FAM118A: variants seen among roughly 807,000 people sequenced by gnomAD.
FAM118A encodes the protein SIR2 antiphage like 2.
Under a neutral mutation model 38.2 loss-of-function variants are expected in FAM118A, and 25 were observed. The observed-to-expected ratio is 0.65, with a 90% confidence interval of 0.48 to 0.91. The LOEUF is 0.91. Ranked by LOEUF, FAM118A falls within the 40% of genes least tolerant of loss-of-function variation. The pLI is 0.00. For synonymous variants in FAM118A, 178 were observed against 184.1 expected (o/e 0.97, Z 0.27); for missense variants, 425 against 463.3 (o/e 0.92, Z 0.76).
At chr22:45,323,041 CTGTGTGTGTGTGTGTGTGTGTG>C (rs3041118) in intron 2 of FAM118A, 112 bp from the exon 3 acceptor site, 39 of 659,680 alleles carry the variant, frequency 5.9e-5, no homozygotes, top group Non-Finnish European at 8.1e-5. Flanking sequence ...TCAGAGGGGA[CTGTGTGTGTGTGTGTGTGTGTG>C]TGTGTGTGTG....
At chr22:45,334,068 T>TGA in intron 6 of FAM118A, among the ~76,000 whole-genome samples, 1 of 152,162 alleles carries the variant, frequency 6.6e-6, no homozygotes, top group Non-Finnish European at 1.5e-5. Flanking sequence ...CATGAACACT[T>TGA]TACTTCTTTT....
intron 1 of FAM118A, chr22:45,318,457 T>A (rs2084705351): frequency 6.6e-6 from 1 of 152,140 alleles, no homozygotes; most frequent in Non-Finnish European, 1.5e-5. Flanking sequence ...TTAGACGGTG[T>A]TTGGATGGGA....
At chr22:45,338,663 T>C (rs1376712930) in intron 8 of FAM118A, among the ~76,000 whole-genome samples, 2 of 152,250 alleles carry the variant, frequency 1.3e-5, no homozygotes, top group Non-Finnish European at 2.9e-5. Context: ...TTTCATATAA[T>C]AGGAGTTTAT....
Position 45,330,091 on chromosome 22 carries a change from CAT to C in FAM118A, c.523-508_523-507del, listed in dbSNP as rs372956727. 1.7e-4 allele frequency among the ~76,000 whole-genome samples: 26 copies of C among 152,312 alleles called. No individual in the cohort carries two copies. In the East Asian group the frequency reaches 4.8e-3, roughly 28 times the overall value. On this transcript the variant is annotated intron_variant, in intron 4 of 8. Transcript: ENST00000441876. ...AGAAATAGCAGTAATTAAAATATAA[CAT>C]ATAACTTAGAAGTGAAAGTCCCCAT...
At chr22:45,339,885 GCTC>G (rs553106074) in intron 8 of FAM118A, among the ~76,000 whole-genome samples, 87 of 152,126 alleles carry the variant, frequency 5.7e-4, no homozygotes, top group African/African-American at 2.1e-3. Flanking sequence ...TGAGATCTGT[GCTC>G]CTAGACGCCA....
chr22:45,316,736 T>G (rs942899880), intron 1 of FAM118A, among the ~76,000 whole-genome samples: 12 of 152,350 alleles, frequency 7.9e-5, no homozygotes, highest in East Asian at 1.9e-4. Context: ...TTTGTCACAG[T>G]GGCAGTGGTA....
intron 6 of FAM118A, among the ~76,000 whole-genome samples, chr22:45,333,380 T>A (rs1458099373): frequency 6.6e-6 from 1 of 151,570 alleles, no homozygotes; most frequent in African/African-American, 2.4e-5. Flanking sequence ...TTTTTAAAAA[T>A]TAGCTGGGTT....
At chr22:45,336,246 T>G in intron 7 of FAM118A, 82 bp from the exon 8 acceptor site, 1 of 1,109,522 alleles carries the variant, frequency 9.0e-7, no homozygotes, top group South Asian at 1.4e-5. Flanking sequence ...TGGCCAGTGC[T>G]TCAGTAAGGT....
chr22:45,326,384 TCA>T (rs1429030106), intron 3 of FAM118A, among the ~76,000 whole-genome samples: 1 of 152,188 alleles, frequency 6.6e-6, no homozygotes, highest in African/African-American at 2.4e-5. Flanking sequence ...CTTGTGTCTC[TCA>T]GAGTATATGC....
chr22:45,341,481 C>G lies in FAM118A; in HGVS notation c.*1076C>G, dbSNP rs1324163155. The G allele has an allele frequency of 6.6e-6, 1 of 152,212 alleles. No homozygotes were observed. Among genetic ancestry groups the G allele is most frequent in the East Asian group, 1.9e-4 (1 of 5,196 alleles). The allele number at this position is 152,212 out of a possible 1,614,324, so 9.4% of individuals were successfully genotyped here. A position where few individuals can be genotyped will look rare whatever the true frequency, so the allele number is the denominator to read the frequency against. ...TTCTCTGGGGTAATATCCAGTCTTT[C>G]TGTTATTGTCTCTTAAAATTCTCTT... On this transcript the variant is annotated 3_prime_UTR_variant, in exon 9 of 9. Transcript: ENST00000441876.
rs1354440331 is a variant in FAM118A at position 45,327,743 on chromosome 22, C to T, written c.301-99C>T. On this transcript the variant is annotated intron_variant, in intron 3 of 8. Transcript: ENST00000441876. Reference sequence around the variant, plus strand: ...TGTGAAGCCAGATTTTCTTTGTTTTCAGCCGCTGTATCTCTGGCACCCAGA... The same window carrying T: ...TGTGAAGCCAGATTTTCTTTGTTTTTAGCCGCTGTATCTCTGGCACCCAGA... 3.2e-6 allele frequency: 4 copies of T among 1,234,730 alleles called. No homozygotes were observed. The East Asian group carries it at 9.9e-5, about 31-fold the overall frequency. 76.5% of individuals were successfully genotyped at this position (1,234,730 alleles called of 1,614,324 possible). A position where few individuals can be genotyped will look rare whatever the true frequency, so the allele number is the denominator to read the frequency against.
intron 6 of FAM118A, chr22:45,335,011 T>G: frequency 3.3e-6 from 1 of 299,630 alleles, no homozygotes. Flanking sequence ...CATTGGGAGT[T>G]TTAATCTGTG....
chr22:45,326,396 C>T (rs866353303), intron 3 of FAM118A, among the ~76,000 whole-genome samples: 5 of 152,272 alleles, frequency 3.3e-5, no homozygotes, highest in South Asian at 2.1e-4. Flanking sequence ...AGAGTATATG[C>T]GGCACTACGG....
At chr22:45,336,025 A>G (rs1487349354) in intron 7 of FAM118A, among the ~76,000 whole-genome samples, 1 of 152,184 alleles carries the variant, frequency 6.6e-6, no homozygotes, top group Non-Finnish European at 1.5e-5. Context: ...ACGCGCATCG[A>G]TGTGGGAGCT....
rs144408482 is a variant in FAM118A at position 45,320,435 on chromosome 22, T to G, written c.-9-1936T>G. Among the ~76,000 whole-genome samples the G allele has an allele frequency of 6.3e-3, 845 of 134,020 alleles. 4 individuals are homozygous for G. The highest frequency in any genetic ancestry group is 8.7e-3 in the Non-Finnish European group (562 of 64,570). The allele number at this position is 134,020 out of a possible 152,430, so 87.9% of individuals were successfully genotyped here. A position where few individuals can be genotyped will look rare whatever the true frequency, so the allele number is the denominator to read the frequency against. On this transcript the variant is annotated intron_variant, in intron 1 of 8. Transcript: ENST00000441876. Reference sequence around the variant, plus strand: ...CTTTTTCTTTTCTTCCTTCTTCTTCTTCTTTTTTTTTTTCTTTTTAAGACA... The same window carrying G: ...CTTTTTCTTTTCTTCCTTCTTCTTCGTCTTTTTTTTTTTCTTTTTAAGACA...
At chr22:45,335,885 C>T (rs1406298760) in intron 7 of FAM118A, among the ~76,000 whole-genome samples, 3 of 152,338 alleles carry the variant, frequency 2.0e-5, no homozygotes, top group Non-Finnish European at 2.9e-5. Flanking sequence ...CCTGTGTGTG[C>T]GCTGGGCACC....
chr22:45,322,001 G>T (rs1460841882), intron 1 of FAM118A: 3 of 346,506 alleles, frequency 8.7e-6, no homozygotes, highest in East Asian at 1.6e-4. Flanking sequence ...TTGCTTCTCT[G>T]ATAAGTCATC....
rs569103753 is a variant in FAM118A, at chr22:45,313,013, G to A, written c.-10+2830G>A. Among the ~76,000 whole-genome samples, 4 of 152,250 alleles carry A rather than the reference G, an allele frequency of 2.6e-5. No homozygotes were observed. In the South Asian group the frequency reaches 8.3e-4, roughly 32 times the overall value. ...TAGTGGGTGGGGCTGAAAGTTCCAAGGATCTAATCCTGCCTTGGTCTTTCT... is the reference window on the plus strand; with the variant it reads ...TAGTGGGTGGGGCTGAAAGTTCCAAAGATCTAATCCTGCCTTGGTCTTTCT... On this transcript the variant is annotated intron_variant, in intron 1 of 8. Coordinates refer to ENST00000441876, the MANE Select transcript of FAM118A (RefSeq NM_017911.4).
At position 45,340,672 on chromosome 22, in the gene FAM118A, G is replaced by A. The variant is rs2086417005; in HGVS notation, c.*267G>A. 1.9e-6 allele frequency: 1 copy of A among 533,540 alleles called. No individual in the cohort carries two copies. Among genetic ancestry groups the A allele is most frequent in the African/African-American group, 1.9e-5 (1 of 52,882 alleles). 33.1% of individuals were successfully genotyped at this position (533,540 alleles called of 1,614,324 possible). On this transcript the variant is annotated 3_prime_UTR_variant, in exon 9 of 9. Coordinates refer to ENST00000441876, the MANE Select transcript of FAM118A (RefSeq NM_017911.4). ...CTACCTCAGGGACCAGAATCCGTGG[G>A]AAGGGATGGACCTGGTGTTCCCGTT...
Sources: allele counts gnomAD v4.1 joint callset (sites outside exome capture counted in the v4.1 genomes callset), GRCh38; gene constraint gnomAD v4.1.1; transcripts MANE v1.5; gene names NCBI Gene and HGNC (gene_info 2026-07-23, HGNC 2026-07-21).